The following PRDM10 variants were observed in gnomAD, a reference collection of about 807,000 sequenced individuals.
The protein encoded by PRDM10 is PR domain zinc finger protein 10.
A neutral mutation model predicts 133.1 loss-of-function variants in PRDM10; 65 were observed. The observed-to-expected ratio is 0.49, with a 90% CI of 0.40 to 0.60. The LOEUF (loss-of-function observed/expected upper bound fraction) is 0.60. Ranked by LOEUF, PRDM10 falls within the 20% of genes least tolerant of loss-of-function variation. PRDM10 has a pLI of 0.00. For missense variants in PRDM10, 1,137 were observed against 1,507.1 expected (o/e 0.75, Z 4.07); for synonymous variants, 582 against 580.4 (o/e 1.00, Z -0.04).
chr11:129,935,269 T>A, intron 8 of PRDM10, 51 bp from the exon 9 acceptor site: 1 of 1,398,622 alleles, frequency 7.1e-7, no homozygotes. Context: ...TAGACACCAG[T>A]AAAACTCAAA....
rs183354651 is a variant in PRDM10 at position 129,950,039 on chromosome 11, C to T, written c.295-2669G>A. The stretch of plus-strand genomic sequence containing the variant: ...TTGCTTGAGCCCAGGATTTCGAGAC[C>T]AGCCTGAGCAACATGGTGAAACCCT... On this transcript the variant is annotated intron_variant, in intron 4 of 20. Coordinates refer to ENST00000360871, the MANE Select transcript of PRDM10 (RefSeq NM_199437.2). Among the ~76,000 whole-genome samples, 548 of 150,792 alleles carry T rather than the reference C, an allele frequency of 3.6e-3. 5 individuals carry two copies. The highest frequency in any genetic ancestry group is 0.013 in the African/African-American group (520 of 41,058).
chr11:129,997,472 C>T (rs1389971205), intron 1 of PRDM10, among the ~76,000 whole-genome samples: 1 of 151,254 alleles, frequency 6.6e-6, no homozygotes, highest in East Asian at 1.9e-4. Flanking sequence ...AGAATGAGGG[C>T]CTTTCTCAAA....
chr11:129,994,510 C>T (rs1938936275), intron 1 of PRDM10, among the ~76,000 whole-genome samples: 2 of 150,014 alleles, frequency 1.3e-5, no homozygotes, highest in South Asian at 4.3e-4. Context: ...TGGTGGTTTG[C>T]ACCTGTAACC....
chr11:129,973,418 G>C (rs1937616825), intron 1 of PRDM10, among the ~76,000 whole-genome samples: 1 of 152,194 alleles, frequency 6.6e-6, no homozygotes, highest in East Asian at 1.9e-4. Context: ...AGCAAGAACT[G>C]GCACAAGACA....
In PRDM10 at chr11:129,971,270, A is replaced by G. The variant is rs565309757; in HGVS notation, c.-118-10188T>C. 7.9e-5 allele frequency among the ~76,000 whole-genome samples: 12 copies of G among 152,312 alleles called. No homozygotes were observed. In the South Asian group the frequency reaches 8.3e-4, roughly 11 times the overall value. On this transcript the variant is annotated intron_variant, in intron 1 of 20. Transcript: ENST00000360871. ...GGGACCCGAGCGAGTTGCCACCGCT[A>G]GCTCGGGCAGCCTGCTTTTATTCTC... is the stretch of plus-strand genomic sequence containing the variant.
chr11:129,903,702 G>A (rs780129553), intron 20 of PRDM10, among the ~76,000 whole-genome samples: 2 of 152,132 alleles, frequency 1.3e-5, no homozygotes, highest in Non-Finnish European at 2.9e-5. Context: ...AAGAGCCATC[G>A]CCAAATACCC....
At chr11:129,942,391 T>C (rs774098893) in intron 7 of PRDM10, 35 bp downstream of exon 7, 1 of 1,582,940 alleles carries the variant, frequency 6.3e-7, no homozygotes, top group East Asian at 2.3e-5. Flanking sequence ...TCACTCTTGC[T>C]AGCAAATAGC....
intron 1 of PRDM10, among the ~76,000 whole-genome samples, chr11:129,993,991 T>G (rs1054919458): frequency 3.9e-5 from 6 of 152,202 alleles, no homozygotes; most frequent in African/African-American, 1.4e-4. Context: ...TTCCACTCCT[T>G]GAGCCACTGT....
chr11:129,993,633 C>T (rs895993313), intron 1 of PRDM10, among the ~76,000 whole-genome samples: 4 of 152,020 alleles, frequency 2.6e-5, no homozygotes, highest in East Asian at 1.9e-4. Context: ...TACAGGCACC[C>T]GCCACCACAC....
At chr11:129,990,774 C>T (rs538631220) in intron 1 of PRDM10, among the ~76,000 whole-genome samples, 1 of 152,246 alleles carries the variant, frequency 6.6e-6, no homozygotes, top group South Asian at 2.1e-4. Context: ...TGCCCGGGTC[C>T]TCACTTTTTC....
intron 19 of PRDM10, among the ~76,000 whole-genome samples, chr11:129,907,435 C>T (rs2135716043): frequency 1.3e-5 from 2 of 152,292 alleles, no homozygotes; most frequent in African/African-American, 4.8e-5. Flanking sequence ...GATGGAGTCT[C>T]GCTCTGATGC....
chr11:129,929,513 G>A (rs74612481), intron 11 of PRDM10: 1 of 1,127,012 alleles, frequency 8.9e-7, no homozygotes, highest in South Asian at 1.6e-5. Context: ...AATCTGGATA[G>A]AAAAGATGAA....
intron 1 of PRDM10, among the ~76,000 whole-genome samples, chr11:129,991,281 T>A (rs1248401875): frequency 6.6e-6 from 1 of 152,244 alleles, no homozygotes; most frequent in East Asian, 1.9e-4. Context: ...ATTAAACAAT[T>A]GTTTTGGGAA....
intron 1 of PRDM10, among the ~76,000 whole-genome samples, chr11:129,979,311 G>C (rs1476655069): frequency 1.3e-5 from 2 of 152,054 alleles, no homozygotes; most frequent in African/African-American, 4.8e-5. Flanking sequence ...CCTCTGGCTC[G>C]AGGAGCAGAA....
chr11:129,996,399 A>G (rs958333273), intron 1 of PRDM10, among the ~76,000 whole-genome samples: 1 of 152,226 alleles, frequency 6.6e-6, no homozygotes, highest in Admixed American at 6.5e-5. Flanking sequence ...TACATTTTAA[A>G]ATATTTGAAA....
At chr11:129,977,255 TACACACACACACACAC>T (rs71057991) in intron 1 of PRDM10, among the ~76,000 whole-genome samples, 22 of 132,394 alleles carry the variant, frequency 1.7e-4, no homozygotes, top group East Asian at 4.5e-4. Context: ...ATGACTAAAA[TACACACACACACACAC>T]ACACACACAC....
chr11:129,931,638 A>G (rs1033993218), intron 10 of PRDM10, among the ~76,000 whole-genome samples: 2 of 149,534 alleles, frequency 1.3e-5, no homozygotes, highest in Non-Finnish European at 3.0e-5. Flanking sequence ...CGCGATCTCG[A>G]CTCACTGCAA....
chr11:129,905,516 G>T, intron 20 of PRDM10, 122 bp downstream of exon 20: 1 of 785,476 alleles, frequency 1.3e-6, no homozygotes, highest in Non-Finnish European at 2.2e-6. Flanking sequence ...AGCTTTCAAA[G>T]AATTCATCAT....
rs1939500430 is a variant in PRDM10 at position 130,002,740 on chromosome 11, A to C, written c.-137T>G. ...TACTTACACGACGTTGGGTGAGGGG[A>C]GCTGGAAGATCAGCGGGTCCCCGAT... On this transcript the variant is annotated 5_prime_UTR_variant, in exon 1 of 21. Transcript: ENST00000360871. 1 of 164,558 alleles carries C rather than the reference A, an allele frequency of 6.1e-6. No homozygotes were observed. Among genetic ancestry groups the C allele is most frequent in the Non-Finnish European group, 1.3e-5 (1 of 74,446 alleles). The allele number at this position is 164,558 out of a possible 1,614,324, so 10.2% of individuals were successfully genotyped here.
Sources: allele counts gnomAD v4.1 joint callset (sites outside exome capture counted in the v4.1 genomes callset), GRCh38; gene constraint gnomAD v4.1.1; transcripts MANE v1.5; gene names NCBI Gene and HGNC (gene_info 2026-07-23, HGNC 2026-07-21).